The following A1CF variants were observed in gnomAD, a reference collection of about 807,000 sequenced individuals.
A1CF encodes the protein APOBEC-1 stimulating protein.
In A1CF, 48 loss-of-function variants were observed where a neutral mutation model predicts 68.9. The ratio of observed to expected loss-of-function variants is 0.70; its 90% CI spans 0.55 to 0.89. A1CF has a LOEUF of 0.89. A1CF is among the 40% of genes least tolerant of loss of function. The pLI is 0.00. For missense variants in A1CF, 653 were observed against 718.9 expected, an observed-to-expected ratio of 0.91 and a Z score of 1.05; for synonymous variants, 272 against 260.4, an observed-to-expected ratio of 1.04 and a Z score of -0.43.
At chr10:50,865,268 CCTACTACTACTG>C (rs1031714401) in intron 1 of A1CF, among the ~76,000 whole-genome samples, 11 of 150,612 alleles carry the variant, frequency 7.3e-5, no homozygotes, top group African/African-American at 2.7e-4. Context: ...CAAAGGTACT[CCTACTACTACTG>C]CTGCTGCTGC....
intron 1 of A1CF, among the ~76,000 whole-genome samples, chr10:50,876,344 T>C (rs1841512242): frequency 6.6e-6 from 1 of 152,244 alleles, no homozygotes. Context: ...GTCCAGCCTG[T>C]GCTCCACTTG....
At chr10:50,810,539 T>C (rs1838056789) in intron 11 of A1CF, among the ~76,000 whole-genome samples, 1 of 152,154 alleles carries the variant, frequency 6.6e-6, no homozygotes, top group Admixed American at 6.5e-5. Context: ...TGGAGTGCAG[T>C]GGTACAATCT....
At chr10:50,818,798 T>C (rs1838495008) in intron 8 of A1CF, among the ~76,000 whole-genome samples, 1 of 152,130 alleles carries the variant, frequency 6.6e-6, no homozygotes, top group Admixed American at 6.6e-5. Flanking sequence ...TGAGTTTGAG[T>C]GGGCCCCTGA....
intron 10 of A1CF, among the ~76,000 whole-genome samples, chr10:50,811,738 TC>T (rs1159287618): frequency 2.6e-5 from 4 of 152,238 alleles, no homozygotes; most frequent in Admixed American, 2.0e-4. Context: ...AGACACTATT[TC>T]TGCCTTTTTT....
intron 11 of A1CF, among the ~76,000 whole-genome samples, chr10:50,810,811 T>C (rs560091650): frequency 6.6e-6 from 1 of 152,338 alleles, no homozygotes; most frequent in Admixed American, 6.5e-5. Context: ...CTGACTGTTA[T>C]CCACTGGCTG....
At chr10:50,833,528 C>T (rs1237216402) in intron 6 of A1CF, among the ~76,000 whole-genome samples, 1 of 152,202 alleles carries the variant, frequency 6.6e-6, no homozygotes, top group Non-Finnish European at 1.5e-5. Context: ...AGGTAAGTGA[C>T]TGAGGAGCAG....
chr10:50,833,152 G>A (rs1294037189), intron 6 of A1CF, among the ~76,000 whole-genome samples: 1 of 152,170 alleles, frequency 6.6e-6, no homozygotes, highest in African/African-American at 2.4e-5. Context: ...CACATTGTTT[G>A]AAAACATCAG....
In A1CF at chr10:50,836,145, T is replaced by G. The variant is rs1306586727; in HGVS notation, c.533A>C (p.Asn178Thr). 2.5e-6 allele frequency: 4 copies of G among 1,613,644 alleles called. No homozygotes were observed. In the African/African-American group the frequency reaches 5.3e-5, roughly 22 times the overall value. ...VYPSAADKTK[N>T]RGFAFVEYES... is the part of the protein sequence containing the mutation. The stretch of plus-strand genomic sequence containing the variant: ...ATACTCCACGAAGGCAAAGCCTCGG[T>G]TTTTGGTTTTATCTGCAGCGCTTGG... The change falls in exon 6 of 13, where the codon AAC becomes ACC. Residue 178 changes from asparagine to threonine, a missense_variant. By Grantham distance (65) the Asn-to-Thr change is moderately conservative. Coordinates refer to ENST00000373997, the MANE Select transcript of A1CF (RefSeq NM_014576.4).
intron 1 of A1CF, among the ~76,000 whole-genome samples, chr10:50,876,919 G>A (rs1260017078): frequency 6.6e-6 from 1 of 151,902 alleles, no homozygotes; most frequent in African/African-American, 2.4e-5. Context: ...TTTTCTTCTA[G>A]AGAACACTGA....
chr10:50,836,260 C>G lies in A1CF; in HGVS notation c.418G>C (p.Val140Leu). 1 of 1,613,976 alleles carries G rather than the reference C, an allele frequency of 6.2e-7. No homozygotes were observed. Among genetic ancestry groups the G allele is most frequent in the Non-Finnish European group, 8.5e-7 (1 of 1,179,884 alleles). ...CASVDNCRLFVGGIPKTKKRE... is the reference protein window; with the variant it reads ...CASVDNCRLFLGGIPKTKKRE... ...TTTTTGGTTTTTGGGATGCCCCCAA[C>G]AAATAATCGGCAGTTGTCCACACTG... The change falls in exon 6 of 13, where the codon GTT (valine) becomes CTT (leucine). Residue 140 changes from valine to leucine, a missense_variant. Transcript: ENST00000373997.
chr10:50,861,823 A>G (rs982168935), intron 2 of A1CF, among the ~76,000 whole-genome samples: 2 of 148,394 alleles, frequency 1.3e-5, no homozygotes, highest in African/African-American at 4.9e-5. Context: ...TAATAATACT[A>G]TGATAGTAGC....
chr10:50,833,144 C>T (rs556331171), intron 6 of A1CF, among the ~76,000 whole-genome samples: 5 of 152,304 alleles, frequency 3.3e-5, no homozygotes, highest in African/African-American at 1.2e-4. Context: ...TGGGTACTCA[C>T]ATTGTTTGAA....
chr10:50,844,022 A>G lies in A1CF; in HGVS notation c.200T>C (p.Leu67Pro). The change falls in exon 4 of 13, where the codon CTT becomes CCT. Residue 67 changes from leucine (L) to proline (P), a missense_variant. Physicochemically the swap from Leu to Pro is moderately conservative, Grantham distance 98. Transcript: ENST00000373997. ...EIFIGKLPRD[L>P]FEDELIPLCE... Reference sequence around the variant, plus strand: ...TAATGGTATAAGCTCATCCTCAAAAAGGTCTCGGGGAAGTTTTCCAATAAA... The same window carrying G: ...TAATGGTATAAGCTCATCCTCAAAAGGGTCTCGGGGAAGTTTTCCAATAAA... 1 of 1,613,936 alleles carries G rather than the reference A, an allele frequency of 6.2e-7. No individual in the cohort carries two copies. Among genetic ancestry groups the G allele is most frequent in the Non-Finnish European group, 8.5e-7 (1 of 1,179,870 alleles).
chr10:50,847,326 G>A (rs1369201520), intron 3 of A1CF, among the ~76,000 whole-genome samples: 1 of 152,098 alleles, frequency 6.6e-6, no homozygotes, highest in Non-Finnish European at 1.5e-5. Flanking sequence ...AACAATTGAG[G>A]ACACAATTCT....
At chr10:50,879,427 C>T (rs1462686083) in intron 1 of A1CF, among the ~76,000 whole-genome samples, 1 of 152,094 alleles carries the variant, frequency 6.6e-6, no homozygotes, top group South Asian at 2.1e-4. Context: ...GTTCATGGTG[C>T]CTGTATTAGT....
At chr10:50,851,926 G>C (rs1840263450) in intron 3 of A1CF, among the ~76,000 whole-genome samples, 1 of 152,182 alleles carries the variant, frequency 6.6e-6, no homozygotes, top group African/African-American at 2.4e-5. Flanking sequence ...TCTTTGCCTA[G>C]CTTGTTTGAA....
chr10:50,856,344 A>T (rs943440341), intron 3 of A1CF, among the ~76,000 whole-genome samples: 1 of 152,076 alleles, frequency 6.6e-6, no homozygotes, highest in Non-Finnish European at 1.5e-5. Flanking sequence ...TCTTTAATTC[A>T]TTCAAAATGA....
At chr10:50,847,250 A>G (rs960941573) in intron 3 of A1CF, among the ~76,000 whole-genome samples, 25 of 152,168 alleles carry the variant, frequency 1.6e-4, no homozygotes, top group African/African-American at 6.0e-4. Flanking sequence ...TTTTCCAAAG[A>G]CTTACAAACC....
chr10:50,818,308 T>C (rs914856554), intron 8 of A1CF, among the ~76,000 whole-genome samples: 2 of 152,144 alleles, frequency 1.3e-5, no homozygotes, highest in African/African-American at 4.8e-5. Flanking sequence ...TCTCACTTCA[T>C]CTAACAAATT....
Sources: gnomAD v4.1 joint callset for allele counts (sites outside exome capture counted in the v4.1 genomes callset) on GRCh38, gnomAD v4.1.1 for gene constraint, MANE v1.5 for transcripts, NCBI Gene and HGNC (gene_info 2026-07-23, HGNC 2026-07-21) for gene names.